Variants in TFEC observed in about 807,000 individuals in gnomAD.
The protein encoded by TFEC is class E basic helix-loop-helix protein 34.
A neutral mutation model predicts 41.6 loss-of-function variants in TFEC; 31 were observed. The observed-to-expected ratio is 0.74, with a 90% CI of 0.56 to 1.01. The LOEUF is 1.01. TFEC is among the 50% of genes least tolerant of loss of function. The pLI is 0.00. For missense variants in TFEC, 402 were observed against 404.1 expected (o/e 0.99, Z 0.04); for synonymous variants, 143 against 140.6 (o/e 1.02, Z -0.12).
At chr7:116,136,023 A>G (rs1351222127) in intron 1 of TFEC, among the ~76,000 whole-genome samples, 1 of 152,118 alleles carries the variant, frequency 6.6e-6, no homozygotes, top group Admixed American at 6.6e-5. Flanking sequence ...TTGTATGTAT[A>G]TAACTCATTT....
At chr7:116,138,233 A>G (rs923644943) in intron 1 of TFEC, among the ~76,000 whole-genome samples, 2 of 152,244 alleles carry the variant, frequency 1.3e-5, no homozygotes, top group African/African-American at 2.4e-5. Context: ...AAAACAACAG[A>G]TAACACTAAA....
chr7:115,956,337 G>A (rs761137928), intron 4 of TFEC, among the ~76,000 whole-genome samples: 7 of 149,656 alleles, frequency 4.7e-5, no homozygotes, highest in Non-Finnish European at 1.1e-4. Flanking sequence ...TTGTAACCAT[G>A]TTAATAAATG....
chr7:116,038,697 A>G (rs1795965875), intron 3 of TFEC, among the ~76,000 whole-genome samples: 2 of 152,014 alleles, frequency 1.3e-5, no homozygotes, highest in Admixed American at 1.3e-4. Context: ...CATGATTGAC[A>G]TTGTAGCTTC....
intron 3 of TFEC, among the ~76,000 whole-genome samples, chr7:115,966,685 G>GCCTT (rs1792866962): frequency 6.6e-6 from 1 of 151,678 alleles, no homozygotes; most frequent in Non-Finnish European, 1.5e-5. Context: ...AGGTAGAAGG[G>GCCTT]CCTTGCCTTT....
intron 3 of TFEC, among the ~76,000 whole-genome samples, chr7:116,107,904 T>C (rs1354432079): frequency 6.6e-6 from 1 of 152,178 alleles, no homozygotes; most frequent in Non-Finnish European, 1.5e-5. Context: ...AGAATTAGAA[T>C]ACTATATGTA....
At chr7:116,110,727 T>C (rs1797835002) in exon 3 of TFEC, 4 of 1,522,736 alleles carry the variant, frequency 2.6e-6, no homozygotes, top group South Asian at 1.3e-5. Context: ...GGATGGTAAT[T>C]GACTTGAATA....
intron 3 of TFEC, among the ~76,000 whole-genome samples, chr7:116,079,740 A>G (rs536789186): frequency 1.3e-5 from 2 of 152,312 alleles, no homozygotes; most frequent in Admixed American, 1.3e-4. Flanking sequence ...AATATTGTGA[A>G]AATGACCATA....
chr7:116,152,361 G>C (rs746822310), intron 1 of TFEC, among the ~76,000 whole-genome samples: 3 of 152,212 alleles, frequency 2.0e-5, no homozygotes, highest in Admixed American at 6.5e-5. Context: ...TGAGAAGACA[G>C]AGATGAGAAT....
chr7:116,133,826 A>T (rs927051211), intron 1 of TFEC, among the ~76,000 whole-genome samples: 1 of 152,326 alleles, frequency 6.6e-6, no homozygotes, highest in Admixed American at 6.5e-5. Context: ...TGCCTAAGAC[A>T]TCTTTAAGAT....
At chr7:116,072,599 T>G (rs905193230) in intron 3 of TFEC, among the ~76,000 whole-genome samples, 4 of 151,644 alleles carry the variant, frequency 2.6e-5, no homozygotes, top group African/African-American at 9.7e-5. Flanking sequence ...TAAAGATACA[T>G]ATTATTTAAA....
intron 3 of TFEC, among the ~76,000 whole-genome samples, chr7:116,099,762 T>C (rs966685047): frequency 1.6e-4 from 24 of 152,368 alleles, no homozygotes; most frequent in Non-Finnish European, 4.4e-5. Flanking sequence ...ATAGTTGTTT[T>C]AGGTCACTGA....
At chr7:116,050,185 A>G (rs1796273637) in intron 3 of TFEC, among the ~76,000 whole-genome samples, 1 of 152,214 alleles carries the variant, frequency 6.6e-6, no homozygotes, top group South Asian at 2.1e-4. Flanking sequence ...ACAATCAATG[A>G]ATCCAGGAGC....
At chr7:116,000,205 CA>C (rs1249444462) in intron 1 of TFEC, among the ~76,000 whole-genome samples, 1 of 152,004 alleles carries the variant, frequency 6.6e-6, no homozygotes. Flanking sequence ...GAATGAAGAA[CA>C]AAGACCACAT....
chr7:116,093,504 T>C (rs1316767071), intron 3 of TFEC, among the ~76,000 whole-genome samples: 2 of 152,196 alleles, frequency 1.3e-5, no homozygotes, highest in Non-Finnish European at 2.9e-5. Flanking sequence ...CACAATTTAA[T>C]ATATGACTAA....
At chr7:116,038,513 G>T (rs188618607) in intron 3 of TFEC, among the ~76,000 whole-genome samples, 2 of 152,034 alleles carry the variant, frequency 1.3e-5, no homozygotes, top group Non-Finnish European at 2.9e-5. Context: ...AAGGAAAGAT[G>T]TATTTAAAAT....
chr7:116,114,632 G>A (rs1002419356), intron 1 of TFEC, among the ~76,000 whole-genome samples: 1 of 151,944 alleles, frequency 6.6e-6, no homozygotes, highest in Non-Finnish European at 1.5e-5. Context: ...AAGATGAAGA[G>A]ACGTAGGTCC....
At chr7:116,026,890 A>G (rs1308706148) in intron 1 of TFEC, among the ~76,000 whole-genome samples, 1 of 152,218 alleles carries the variant, frequency 6.6e-6, no homozygotes, top group African/African-American at 2.4e-5. Context: ...TAGAAGAGGA[A>G]AAGTGATTGG....
chr7:116,016,084 A>T (rs895580581), intron 1 of TFEC, among the ~76,000 whole-genome samples: 2 of 152,230 alleles, frequency 1.3e-5, no homozygotes, highest in Admixed American at 1.3e-4. Context: ...GTATTACACA[A>T]GGAAAGTCAA....
At chr7:116,153,497 C>T (rs769786531) in intron 1 of TFEC, among the ~76,000 whole-genome samples, 3 of 152,178 alleles carry the variant, frequency 2.0e-5, no homozygotes, top group East Asian at 1.9e-4. Context: ...TCGTGATCCA[C>T]CCACCTCGGC....
Sources: allele counts gnomAD v4.1 joint callset (sites outside exome capture counted in the v4.1 genomes callset), GRCh38; gene constraint gnomAD v4.1.1; transcripts MANE v1.5; gene names NCBI Gene and HGNC (gene_info 2026-07-23, HGNC 2026-07-21).